CSMD1: variants seen among roughly 807,000 people sequenced by gnomAD.
The protein encoded by CSMD1 is CUB and sushi domain-containing protein 1.
In CSMD1, 213 loss-of-function variants were observed where a neutral mutation model predicts 417.5. The ratio of observed to expected loss-of-function variants is 0.51; its 90% CI spans 0.46 to 0.57. The LOEUF is 0.57. Among genes scored for constraint, CSMD1 ranks in the 20% least tolerant of loss-of-function variants. The pLI is 0.00. For missense variants in CSMD1, 6,923 were observed against 4,529.7 expected, an observed-to-expected ratio of 1.53 and a Z score of -15.17; for synonymous variants, 2,862 against 1,736.8, an observed-to-expected ratio of 1.65 and a Z score of -16.11.
intron 1 of CSMD1, among the ~76,000 whole-genome samples, chr8:4,920,393 T>C (rs1292859979): frequency 6.6e-6 from 1 of 152,232 alleles, no homozygotes; most frequent in African/African-American, 2.4e-5. Flanking sequence ...GCTGGCAGTA[T>C]AAATCTAGGG....
At chr8:3,415,063 T>C (rs963807755) in intron 12 of CSMD1, among the ~76,000 whole-genome samples, 4 of 152,224 alleles carry the variant, frequency 2.6e-5, no homozygotes, top group Admixed American at 1.3e-4. Context: ...TTCTAAATTA[T>C]TGTTCTTATT....
chr8:3,284,086 T>G, intron 26 of CSMD1, 58 bp downstream of exon 26: 1 of 1,291,462 alleles, frequency 7.7e-7, no homozygotes, highest in South Asian at 1.3e-5. Context: ...GAGGGAGATC[T>G]GTGTTCATGA....
intron 6 of CSMD1, among the ~76,000 whole-genome samples, chr8:3,742,718 CAGAG>C (rs201388373): frequency 6.2e-4 from 92 of 148,764 alleles, no homozygotes; most frequent in Admixed American, 1.1e-3. Flanking sequence ...TGCATAGGAT[CAGAG>C]AGAGAGAGAG....
intron 1 of CSMD1, among the ~76,000 whole-genome samples, chr8:4,905,733 T>A (rs569643272): frequency 3.9e-4 from 56 of 142,022 alleles, no homozygotes; most frequent in Non-Finnish European, 6.0e-4. Flanking sequence ...GGCAGGAGAA[T>A]GGCGTGAAAC....
chr8:4,172,077 G>C (rs1797794270), intron 3 of CSMD1, among the ~76,000 whole-genome samples: 1 of 151,860 alleles, frequency 6.6e-6, no homozygotes. Context: ...CTTTCTCAGG[G>C]GAAGGCGTAT....
intron 8 of CSMD1, among the ~76,000 whole-genome samples, chr8:3,587,017 C>A (rs1414849277): frequency 1.3e-5 from 2 of 152,142 alleles, no homozygotes; most frequent in Non-Finnish European, 2.9e-5. Flanking sequence ...CCAGGCTGGT[C>A]TTCAACTCCT....
chr8:4,259,186 A>G (rs995132510), intron 3 of CSMD1, among the ~76,000 whole-genome samples: 8 of 152,156 alleles, frequency 5.3e-5, no homozygotes, highest in Non-Finnish European at 7.3e-5. Flanking sequence ...TGCACTCTAG[A>G]AGTCACTTTC....
chr8:3,235,349 C>G (rs778894036), intron 26 of CSMD1, among the ~76,000 whole-genome samples: 18 of 152,112 alleles, frequency 1.2e-4, no homozygotes, highest in Admixed American at 6.5e-4. Context: ...ATACTCACTA[C>G]TAGGAAAGTT....
chr8:4,126,507 G>A (rs1032198593), intron 3 of CSMD1, among the ~76,000 whole-genome samples: 5 of 152,190 alleles, frequency 3.3e-5, no homozygotes, highest in Admixed American at 1.3e-4. Context: ...ACTGGAAGCA[G>A]GAGGTCTCCC....
intron 3 of CSMD1, among the ~76,000 whole-genome samples, chr8:4,373,072 T>C (rs1563105753): frequency 6.6e-6 from 1 of 152,118 alleles, no homozygotes; most frequent in Non-Finnish European, 1.5e-5. Context: ...GAGAAGACAG[T>C]TTACCTGTGT....
At chr8:4,624,074 TAAAGA>T (rs1801950976) in intron 2 of CSMD1, among the ~76,000 whole-genome samples, 1 of 152,184 alleles carries the variant, frequency 6.6e-6, no homozygotes, top group Non-Finnish European at 1.5e-5. Flanking sequence ...AGCTCTTGCG[TAAAGA>T]AATCTATTAT....
chr8:3,992,538 C>A (rs192514944), intron 5 of CSMD1, among the ~76,000 whole-genome samples: 1 of 152,128 alleles, frequency 6.6e-6, no homozygotes, highest in Non-Finnish European at 1.5e-5. Flanking sequence ...TAATTCCACA[C>A]TTTGGGAGGC....
At chr8:3,373,827 T>C (rs1013184195) in intron 18 of CSMD1, 3 of 152,182 alleles carry the variant, frequency 2.0e-5, no homozygotes, top group African/African-American at 7.2e-5. Flanking sequence ...ACACCAAGGA[T>C]GCAGGTATGT....
chr8:4,239,182 C>G (rs1222790957), intron 3 of CSMD1, among the ~76,000 whole-genome samples: 1 of 152,192 alleles, frequency 6.6e-6, no homozygotes, highest in Non-Finnish European at 1.5e-5. Flanking sequence ...AATGAACTAT[C>G]TTCTTACATT....
At chr8:4,559,821 G>T (rs549534100) in intron 2 of CSMD1, among the ~76,000 whole-genome samples, 50 of 152,288 alleles carry the variant, frequency 3.3e-4, no homozygotes, top group African/African-American at 1.2e-3. Flanking sequence ...TGTTCACTTC[G>T]TGAAATTCTA....
intron 33 of CSMD1, among the ~76,000 whole-genome samples, chr8:3,197,686 G>T (rs566775584): frequency 9.3e-4 from 141 of 151,982 alleles, no homozygotes; most frequent in African/African-American, 3.3e-3. Context: ...GGATGGTCTC[G>T]ATCTCCTGAC....
chr8:3,095,275 G>T (rs1048364899), intron 47 of CSMD1, among the ~76,000 whole-genome samples: 1 of 152,082 alleles, frequency 6.6e-6, no homozygotes, highest in Non-Finnish European at 1.5e-5. Flanking sequence ...TGTGAGGTTG[G>T]ATGCTCTACA....
intron 3 of CSMD1, among the ~76,000 whole-genome samples, chr8:4,188,573 A>T (rs1429437373): frequency 1.3e-5 from 2 of 152,106 alleles, no homozygotes; most frequent in Non-Finnish European, 1.5e-5. Flanking sequence ...AGACACTGTC[A>T]ACTGACGCGC....
At chr8:3,965,605 TTTC>T (rs1563261971) in intron 5 of CSMD1, among the ~76,000 whole-genome samples, 1 of 151,978 alleles carries the variant, frequency 6.6e-6, no homozygotes, top group African/African-American at 2.4e-5. Context: ...TTTTTTAAAA[TTTC>T]TTTTTATTTA....
Sources: gnomAD v4.1 joint callset for allele counts (sites outside exome capture counted in the v4.1 genomes callset) on GRCh38, gnomAD v4.1.1 for gene constraint, MANE v1.5 for transcripts, NCBI Gene and HGNC (gene_info 2026-07-23, HGNC 2026-07-21) for gene names.